Variants in COP1 observed in about 807,000 individuals in gnomAD.
COP1 encodes the protein COP1 E3 ubiquitin ligase.
Under a neutral mutation model 101.3 loss-of-function variants are expected in COP1, and 24 were observed. The observed-to-expected ratio is 0.24, with a 90% CI of 0.17 to 0.33. The LOEUF (loss-of-function observed/expected upper bound fraction) is 0.33, where lower values mean the gene tolerates loss of function less well. Ranked by LOEUF, COP1 falls within the 10% of genes least tolerant of loss-of-function variation. COP1 has a pLI of 1.00. For missense variants in COP1, 663 were observed against 906.2 expected, an observed-to-expected ratio of 0.73 and a Z score of 3.45; for synonymous variants, 347 against 341.9, an observed-to-expected ratio of 1.01 and a Z score of -0.17.
intron 18 of COP1, chr1:175,968,589 A>T (rs1175938849): frequency 2.1e-6 from 1 of 467,274 alleles, no homozygotes; most frequent in African/African-American, 2.0e-5. Flanking sequence ...AGTCTTTTAT[A>T]TTCCAATTAA....
At chr1:176,196,267 T>C (rs1004376559) in intron 1 of COP1, among the ~76,000 whole-genome samples, 4 of 151,972 alleles carry the variant, frequency 2.6e-5, no homozygotes, top group South Asian at 2.1e-4. Flanking sequence ...AACTGAAAAT[T>C]AGTGGAATAG....
chr1:176,049,106 A>G (rs1672042040), intron 11 of COP1, among the ~76,000 whole-genome samples: 1 of 147,300 alleles, frequency 6.8e-6, no homozygotes, highest in African/African-American at 2.6e-5. Flanking sequence ...CAGGAAGCGG[A>G]GCTTGCAGTG....
chr1:176,118,059 G>A (rs1686505105), intron 8 of COP1, among the ~76,000 whole-genome samples: 1 of 152,126 alleles, frequency 6.6e-6, no homozygotes, highest in Non-Finnish European at 1.5e-5. Flanking sequence ...TTAAAGCATG[G>A]GAGGTACTCT....
At chr1:175,966,453 T>G (rs1652050384) in intron 18 of COP1, among the ~76,000 whole-genome samples, 1 of 152,154 alleles carries the variant, frequency 6.6e-6, no homozygotes, top group Non-Finnish European at 1.5e-5. Context: ...TATCATCAAT[T>G]TACAAAGAGT....
chr1:175,990,536 C>A (rs1658153086), intron 15 of COP1, among the ~76,000 whole-genome samples: 1 of 152,030 alleles, frequency 6.6e-6, no homozygotes, highest in African/African-American at 2.4e-5. Flanking sequence ...TAAAACTCTG[C>A]CAATTTTCTG....
intron 18 of COP1, among the ~76,000 whole-genome samples, chr1:175,977,403 C>T (rs574160321): frequency 6.6e-6 from 1 of 152,190 alleles, no homozygotes; most frequent in Non-Finnish European, 1.5e-5. Flanking sequence ...GGCTTCTTTA[C>T]AGCAATTATA....
chr1:176,134,914 G>T (rs1343480761), intron 8 of COP1, 96 bp downstream of exon 8: 2 of 827,192 alleles, frequency 2.4e-6, no homozygotes, highest in Admixed American at 2.2e-5. Flanking sequence ...TTTCTCAGGG[G>T]TTTCATACAC....
chr1:176,135,820 T>G (rs1361807231), intron 7 of COP1, among the ~76,000 whole-genome samples: 3 of 152,040 alleles, frequency 2.0e-5, no homozygotes, highest in South Asian at 2.1e-4. Flanking sequence ...AATCATACAG[T>G]CAGGTAAGTG....
At chr1:176,021,017 A>G (rs1427130851) in intron 15 of COP1, among the ~76,000 whole-genome samples, 2 of 152,142 alleles carry the variant, frequency 1.3e-5, no homozygotes, top group Non-Finnish European at 2.9e-5. Context: ...TCTGTTTCCC[A>G]GGATGGACTG....
intron 12 of COP1, 31 bp from the exon 13 acceptor site, chr1:176,043,849 C>A (rs1253523723): frequency 8.1e-7 from 1 of 1,236,148 alleles, no homozygotes; most frequent in South Asian, 1.3e-5. Flanking sequence ...AGTTACTTTA[C>A]ATAAAAATAA....
In COP1 at chr1:176,118,772, A is replaced by AC. The variant is rs1179279661; in HGVS notation, c.969-2092_969-2091insG. 6.8e-4 allele frequency among the ~76,000 whole-genome samples: 104 copies of AC among 152,292 alleles called. 1 individual carries two copies. Among genetic ancestry groups the AC allele is most frequent in the Non-Finnish European group, 1.2e-3 (80 of 68,014 alleles). ...CTCAAACAAACAAACAAACAAACAAAAAAACAAAAACAAAAACAAAATAGC... is the reference window on the plus strand; with the variant it reads ...CTCAAACAAACAAACAAACAAACAAACAAAACAAAAACAAAAACAAAATAGC... On this transcript the variant is annotated intron_variant, in intron 8 of 19. Transcript: ENST00000367669.
chr1:176,191,518 T>A (rs1052047205), intron 1 of COP1, among the ~76,000 whole-genome samples: 4 of 151,984 alleles, frequency 2.6e-5, no homozygotes, highest in Admixed American at 1.3e-4. Context: ...CTTTGCTTCC[T>A]TCAAAAGCAG....
At chr1:175,948,715 C>T (rs975476284) in intron 18 of COP1, among the ~76,000 whole-genome samples, 2 of 152,088 alleles carry the variant, frequency 1.3e-5, no homozygotes, top group Non-Finnish European at 2.9e-5. Flanking sequence ...TTCCACTATT[C>T]CAGAATTTTT....
chr1:176,158,464 T>C (rs1456414965), intron 5 of COP1, among the ~76,000 whole-genome samples: 1 of 151,888 alleles, frequency 6.6e-6, no homozygotes, highest in African/African-American at 2.4e-5. Flanking sequence ...ACACCAGAAA[T>C]GGTAAATAAA....
intron 7 of COP1, 122 bp downstream of exon 7, chr1:176,136,366 A>C: frequency 8.6e-6 from 4 of 465,544 alleles, no homozygotes; most frequent in Non-Finnish European, 1.2e-5. Flanking sequence ...AAATGAAAGT[A>C]ACAGCTGTTA....
chr1:176,085,865 C>CTATT lies in COP1; in HGVS notation c.1048_1051dup (p.Ser351LysfsTer2). The CTATT allele has an allele frequency of 6.2e-7, 1 of 1,603,184 alleles. No individual in the cohort carries two copies. ...TCGTTTTCGTCTTGATGCTAACGTG[C>CTATT]TATTATACCAAGGCTGTTTCTTTGT... On this transcript the variant is annotated stop_gained and frameshift_variant, in exon 10 of 20. Coordinates refer to ENST00000367669, the MANE Select transcript of COP1 (RefSeq NM_022457.7). LOFTEE classifies it high-confidence loss of function.
chr1:176,067,565 G>A (rs1362444181), intron 11 of COP1, among the ~76,000 whole-genome samples: 2 of 152,030 alleles, frequency 1.3e-5, no homozygotes, highest in Non-Finnish European at 1.5e-5. Context: ...TGAGCGGCCC[G>A]ACTCCAGGGG....
intron 9 of COP1, among the ~76,000 whole-genome samples, chr1:176,094,800 T>C (rs973995550): frequency 2.6e-5 from 4 of 152,154 alleles, no homozygotes; most frequent in African/African-American, 9.7e-5. Flanking sequence ...TGAAAAATCT[T>C]TACACATATA....
At chr1:175,980,814 T>C (rs1385516913) in intron 18 of COP1, among the ~76,000 whole-genome samples, 1 of 152,142 alleles carries the variant, frequency 6.6e-6, no homozygotes, top group East Asian at 1.9e-4. Flanking sequence ...AGTAGCTAAG[T>C]ACGTATGTTA....
Sources: allele counts gnomAD v4.1 joint callset (sites outside exome capture counted in the v4.1 genomes callset), GRCh38; gene constraint gnomAD v4.1.1; transcripts MANE v1.5; gene names NCBI Gene and HGNC (gene_info 2026-07-23, HGNC 2026-07-21).